The following CLUL1 variants were observed in gnomAD, a reference collection of about 807,000 sequenced individuals.
CLUL1 encodes the protein clusterin-like protein 1.
A neutral mutation model predicts 49.4 loss-of-function variants in CLUL1; 43 were observed. That is an observed-to-expected ratio of 0.87 (90% CI 0.68 to 1.12). CLUL1 has a LOEUF of 1.12. CLUL1 is among the 50% of genes most tolerant of loss of function. The pLI is 0.00. For synonymous variants in CLUL1, 192 were observed against 184.9 expected, an observed-to-expected ratio of 1.04 and a Z score of -0.31; for missense variants, 486 against 544.4, an observed-to-expected ratio of 0.89 and a Z score of 1.07.
chr18:599,385 G>A (rs1239681042), intron 1 of CLUL1, among the ~76,000 whole-genome samples: 1 of 152,154 alleles, frequency 6.6e-6, no homozygotes, highest in Non-Finnish European at 1.5e-5. Context: ...AAGGTTGAAA[G>A]GATTAAATGA....
chr18:604,708 A>C (rs1055555458), intron 1 of CLUL1, among the ~76,000 whole-genome samples: 3 of 152,230 alleles, frequency 2.0e-5, no homozygotes, highest in African/African-American at 7.2e-5. Context: ...TTCTTATCTT[A>C]TGACCAGGAA....
At chr18:610,429 G>A (rs1175335087) in intron 2 of CLUL1, among the ~76,000 whole-genome samples, 2 of 151,578 alleles carry the variant, frequency 1.3e-5, no homozygotes, top group East Asian at 3.9e-4. Flanking sequence ...TGGTGACAGG[G>A]AGATATGGCA....
At position 644,805 on chromosome 18, in the gene CLUL1, T is replaced by C. The variant is rs1013531954; in HGVS notation, c.1210-105T>C. 1.1e-5 allele frequency: 8 copies of C among 756,198 alleles called. No individual in the cohort carries two copies. The Admixed American group carries it at 1.3e-4, about 12-fold the overall frequency. The allele number at this position is 756,198 out of a possible 1,614,324, so 46.8% of individuals were successfully genotyped here. Reference sequence around the variant, plus strand: ...CCCTAGGAATGCCAGGACTAATCTGTTACCTCAGCACAACCCAGCCTATCC... The same window carrying C: ...CCCTAGGAATGCCAGGACTAATCTGCTACCTCAGCACAACCCAGCCTATCC... On this transcript the variant is annotated intron_variant, in intron 8 of 9. Transcript: ENST00000692774.
chr18:613,193 C>T (rs755148882), intron 2 of CLUL1: 2 of 475,738 alleles, frequency 4.2e-6, no homozygotes, highest in South Asian at 8.2e-5. Context: ...GACTGGAGTG[C>T]ACTGCTGCAA....
intron 2 of CLUL1, among the ~76,000 whole-genome samples, chr18:615,563 A>G (rs2073262825): frequency 6.6e-6 from 1 of 152,198 alleles, no homozygotes; most frequent in South Asian, 2.1e-4. Flanking sequence ...AAAGCTGGAC[A>G]ATTTCCTATG....
intron 4 of CLUL1, among the ~76,000 whole-genome samples, chr18:621,603 A>T (rs2073488710): frequency 6.6e-6 from 1 of 152,224 alleles, no homozygotes; most frequent in African/African-American, 2.4e-5. Context: ...CTGGGAATAG[A>T]GACACTAGAT....
intron 9 of CLUL1, among the ~76,000 whole-genome samples, chr18:647,178 G>A (rs147329469): frequency 9.7e-4 from 147 of 151,662 alleles, no homozygotes; most frequent in African/African-American, 3.3e-3. Context: ...GGGCAAATAC[G>A]GCAAGAAAGA....
At chr18:619,397 G>T (rs1288934446) in intron 4 of CLUL1, 36 bp downstream of exon 4, 1 of 1,563,434 alleles carries the variant, frequency 6.4e-7, no homozygotes, top group African/African-American at 1.4e-5. Context: ...TTCTTACACA[G>T]ATCTGGACCA....
intron 6 of CLUL1, among the ~76,000 whole-genome samples, chr18:630,773 G>A (rs544324096): frequency 1.2e-3 from 159 of 133,764 alleles, no homozygotes; most frequent in Admixed American, 2.6e-3. Flanking sequence ...TACAACCTCC[G>A]CCTCCTAGGT....
intron 6 of CLUL1, 168 bp downstream of exon 6, chr18:627,697 A>T: frequency 3.6e-6 from 2 of 556,966 alleles, no homozygotes; most frequent in East Asian, 2.9e-5. Flanking sequence ...AGTCTGCTAA[A>T]CACCATCCCT....
intron 1 of CLUL1, among the ~76,000 whole-genome samples, chr18:605,343 T>C (rs2072941022): frequency 6.6e-6 from 1 of 152,116 alleles, no homozygotes; most frequent in Non-Finnish European, 1.5e-5. Flanking sequence ...AAAATGAAAA[T>C]GAGGCAGGGT....
At chr18:642,154 G>A (rs1364795067) in intron 8 of CLUL1, among the ~76,000 whole-genome samples, 1 of 152,192 alleles carries the variant, frequency 6.6e-6, no homozygotes, top group Non-Finnish European at 1.5e-5. Context: ...TTGCCAGCTG[G>A]GCGCAGTGGC....
At chr18:613,549 G>A (rs1033634154) in intron 2 of CLUL1, among the ~76,000 whole-genome samples, 3 of 151,160 alleles carry the variant, frequency 2.0e-5, no homozygotes, top group East Asian at 1.9e-4. Flanking sequence ...CCGCCTCCTA[G>A]GTTTAAGCAA....
At chr18:607,616 C>T (rs116674220) in intron 2 of CLUL1, among the ~76,000 whole-genome samples, 2,823 of 151,962 alleles carry the variant, frequency 0.019, 89 homozygotes, top group African/African-American at 0.065. Context: ...TTTGTAGAGA[C>T]GGGGTCTCAC....
chr18:620,710 A>G lies in CLUL1; in HGVS notation c.255+1349A>G, dbSNP rs192004952. Among the ~76,000 whole-genome samples, 341 of 152,340 alleles carry G rather than the reference A, an allele frequency of 2.2e-3. 1 individual carries two copies. Among genetic ancestry groups the G allele is most frequent in the Admixed American group, 7.5e-3 (115 of 15,298 alleles). ...ATAGCTTGAATTACATATTTTATCA[A>G]TGGAGAATACATATTATATTCAAAT... On this transcript the variant is annotated intron_variant, in intron 4 of 9. Coordinates refer to ENST00000692774, the MANE Select transcript of CLUL1 (RefSeq NM_001393344.1).
At chr18:601,226 A>G (rs1019573819) in intron 1 of CLUL1, among the ~76,000 whole-genome samples, 1 of 152,196 alleles carries the variant, frequency 6.6e-6, no homozygotes, top group Non-Finnish European at 1.5e-5. Flanking sequence ...ATAGCCCCAC[A>G]TGGATATTTC....
chr18:624,782 T>C, intron 4 of CLUL1, 83 bp from the exon 5 acceptor site: 1 of 1,317,438 alleles, frequency 7.6e-7, no homozygotes, highest in Non-Finnish European at 1.1e-6. Context: ...GTTTAGAATG[T>C]ATACATTTCA....
intron 6 of CLUL1, among the ~76,000 whole-genome samples, chr18:629,360 C>CTG (rs1296168656): frequency 6.6e-6 from 1 of 152,182 alleles, no homozygotes; most frequent in Non-Finnish European, 1.5e-5. Flanking sequence ...TGGAATAACA[C>CTG]TGAGAATATG....
At chr18:620,328 C>T (rs565040737) in intron 4 of CLUL1, among the ~76,000 whole-genome samples, 2 of 151,878 alleles carry the variant, frequency 1.3e-5, no homozygotes, top group Admixed American at 6.5e-5. Flanking sequence ...TTTTGGTCCG[C>T]TTGAGCTTAA....
Sources: gnomAD v4.1 joint callset for allele counts (sites outside exome capture counted in the v4.1 genomes callset) on GRCh38, gnomAD v4.1.1 for gene constraint, MANE v1.5 for transcripts, NCBI Gene and HGNC (gene_info 2026-07-23, HGNC 2026-07-21) for gene names.